The following HHLA1 variants were observed in gnomAD, a reference collection of about 807,000 sequenced individuals.
HHLA1 encodes HHLA1 neighbor of OC90.
Under a neutral mutation model 69.9 loss-of-function variants are expected in HHLA1, and 72 were observed. The ratio of observed to expected loss-of-function variants is 1.03; its 90% CI spans 0.85 to 1.25. The LOEUF (loss-of-function observed/expected upper bound fraction) is 1.25, where lower values mean the gene tolerates loss of function less well. Ranked by LOEUF, HHLA1 falls within the 50% of genes most tolerant of loss-of-function variation. The pLI, the probability that HHLA1 is intolerant of heterozygous loss-of-function variation, is 0.00. For synonymous variants in HHLA1, 252 were observed against 233.2 expected, an observed-to-expected ratio of 1.08 and a Z score of -0.73; for missense variants, 685 against 642.2, an observed-to-expected ratio of 1.07 and a Z score of -0.72.
At chr8:132,075,167 C>T (rs1823614079) in intron 14 of HHLA1, among the ~76,000 whole-genome samples, 1 of 152,120 alleles carries the variant, frequency 6.6e-6, no homozygotes, top group African/African-American at 2.4e-5. Flanking sequence ...ATTCACTATT[C>T]ACTGCAGGCT....
intron 3 of HHLA1, among the ~76,000 whole-genome samples, chr8:132,100,781 G>T (rs1824099588): frequency 6.6e-6 from 1 of 152,174 alleles, no homozygotes; most frequent in Admixed American, 6.5e-5. Context: ...TGTCAACACG[G>T]TGTGGGAGCA....
chr8:132,105,133 A>C (rs997912617), intron 2 of HHLA1, 54 bp downstream of exon 2: 1 of 1,334,218 alleles, frequency 7.5e-7, no homozygotes, highest in African/African-American at 1.5e-5. Flanking sequence ...AGCACAGTGA[A>C]TACTCCAACT....
chr8:132,101,269 A>C, intron 3 of HHLA1: 1 of 1,550,098 alleles, frequency 6.5e-7, no homozygotes, highest in African/African-American at 1.4e-5. Context: ...CTTTATTTCC[A>C]GACACTGAAA....
intron 15 of HHLA1, among the ~76,000 whole-genome samples, chr8:132,067,173 T>G (rs1823455474): frequency 6.6e-6 from 1 of 152,054 alleles, no homozygotes; most frequent in South Asian, 2.1e-4. Context: ...GGATTCCTTG[T>G]GGAAACTGGA....
intron 5 of HHLA1, 111 bp from the exon 6 acceptor site, chr8:132,095,897 T>A (rs1824018975): frequency 5.0e-6 from 3 of 599,644 alleles, no homozygotes; most frequent in Non-Finnish European, 8.4e-6. Flanking sequence ...AAACCAATGA[T>A]GAAAATAAAG....
In HHLA1 at chr8:132,077,731, G is replaced by T. The variant is rs1382674697; in HGVS notation, c.1166C>A (p.Thr389Asn). The change falls in exon 12 of 17, where the codon ACC becomes AAC. Residue 389 changes from threonine (T) to asparagine (N), a missense_variant. Coordinates refer to ENST00000414222, the MANE Select transcript of HHLA1 (RefSeq NM_001145095.3). Reference sequence around the variant, plus strand: ...AAGTGAGCACCCTCTCTTACCCAAGGTAGGGCTGGCCTGGGATGGGCTGCC... The same window carrying T: ...AAGTGAGCACCCTCTCTTACCCAAGTTAGGGCTGGCCTGGGATGGGCTGCC... ...TPGSPSQASPTLGAFTHGTQT... is the reference protein window; with the variant it reads ...TPGSPSQASPNLGAFTHGTQT... 1.9e-6 allele frequency: 3 copies of T among 1,551,434 alleles called. No individual in the cohort carries two copies. In the East Asian group the frequency reaches 7.3e-5, roughly 38 times the overall value.
At chr8:132,065,374 T>C (rs1454003862) in intron 16 of HHLA1, among the ~76,000 whole-genome samples, 1 of 152,162 alleles carries the variant, frequency 6.6e-6, no homozygotes, top group African/African-American at 2.4e-5. Flanking sequence ...CTCTGCCTCC[T>C]AGGTTCATGC....
chr8:132,105,073 C>G, intron 2 of HHLA1, 114 bp downstream of exon 2: 1 of 817,524 alleles, frequency 1.2e-6, no homozygotes, highest in East Asian at 2.7e-5. Flanking sequence ...CCATTTTGAA[C>G]AAATTCATTT....
intron 12 of HHLA1, 147 bp downstream of exon 12, chr8:132,077,579 G>C (rs914738179): frequency 1.3e-6 from 1 of 790,982 alleles, no homozygotes; most frequent in African/African-American, 1.7e-5. Context: ...CAAAGGAAAG[G>C]AGAAGGAAGA....
intron 12 of HHLA1, among the ~76,000 whole-genome samples, chr8:132,076,959 C>G (rs1823656672): frequency 6.6e-6 from 1 of 152,160 alleles, no homozygotes; most frequent in African/African-American, 2.4e-5. Context: ...CTGTCATATT[C>G]ATGACAGAGT....
intron 12 of HHLA1, among the ~76,000 whole-genome samples, chr8:132,077,421 C>T (rs1823663547): frequency 6.6e-6 from 1 of 152,002 alleles, no homozygotes; most frequent in South Asian, 2.1e-4. Flanking sequence ...CGGGTCCATC[C>T]ATCACAGTTG....
At chr8:132,069,052 G>T (rs1000884368) in intron 15 of HHLA1, among the ~76,000 whole-genome samples, 2 of 152,158 alleles carry the variant, frequency 1.3e-5, no homozygotes, top group African/African-American at 4.8e-5. Context: ...GTCAAAGAGG[G>T]CATATAATAA....
At chr8:132,085,863 T>C (rs1335146815) in intron 10 of HHLA1, among the ~76,000 whole-genome samples, 4 of 149,798 alleles carry the variant, frequency 2.7e-5, no homozygotes, top group African/African-American at 2.5e-5. Context: ...ACACTTCTTT[T>C]GTGGTGGAAT....
intron 10 of HHLA1, among the ~76,000 whole-genome samples, chr8:132,085,029 A>G (rs560765984): frequency 3.0e-4 from 45 of 152,108 alleles, no homozygotes; most frequent in African/African-American, 1.1e-3. Flanking sequence ...CCAGGAAAGC[A>G]GAGAAGGGGT....
At chr8:132,070,867 T>C (rs975917507) in intron 15 of HHLA1, among the ~76,000 whole-genome samples, 1 of 151,908 alleles carries the variant, frequency 6.6e-6, no homozygotes, top group Non-Finnish European at 1.5e-5. Context: ...TCAACACAAC[T>C]CAACTCATCT....
chr8:132,076,045 T>G lies in HHLA1; in HGVS notation c.1315+10A>C, dbSNP rs190911539. On this transcript the variant is annotated intron_variant, in intron 14 of 16. Coordinates refer to ENST00000414222, the MANE Select transcript of HHLA1 (RefSeq NM_001145095.3). ...ACAAGCAATAGTAATGACTGGGCAC[T>G]GGTACTTACTTGAAACTTGATGGGG... The G allele has an allele frequency of 6.3e-4, 977 of 1,542,738 alleles. No individual in the cohort carries two copies. The highest frequency in any genetic ancestry group is 8.3e-4 in the Non-Finnish European group (949 of 1,139,088).
chr8:132,097,276 C>G (rs1232244326), intron 5 of HHLA1, among the ~76,000 whole-genome samples: 1 of 152,122 alleles, frequency 6.6e-6, no homozygotes, highest in African/African-American at 2.4e-5. Flanking sequence ...CTTCAAAGAT[C>G]AGCTGGATCA....
In HHLA1 at chr8:132,085,159, G is replaced by T. The variant is rs185017343; in HGVS notation, c.676+2494C>A. 4.4e-3 allele frequency among the ~76,000 whole-genome samples: 668 copies of T among 152,324 alleles called. 3 individuals are homozygous for T. Among genetic ancestry groups the T allele is most frequent in the African/African-American group, 0.015 (644 of 41,572 alleles). On this transcript the variant is annotated intron_variant, in intron 10 of 16. Coordinates refer to ENST00000414222, the MANE Select transcript of HHLA1 (RefSeq NM_001145095.3). ...GTGGTCTGACACCCTTGAAACGTGA[G>T]TGTATAATCAGAGAGGCATCCCTGC... is the stretch of plus-strand genomic sequence containing the variant.
rs1823886175 is a variant in HHLA1 at position 132,087,692 on chromosome 8, T to C, written c.637A>G (p.Ile213Val). 1 of 1,551,548 alleles carries C rather than the reference T, an allele frequency of 6.4e-7. No homozygotes were observed. Among genetic ancestry groups the C allele is most frequent in the Non-Finnish European group, 8.7e-7 (1 of 1,146,886 alleles). Reference sequence around the variant, plus strand: ...AAGCCGCTGGTAAATGTGTAATTGATAATGGGATATTTTTCTTCTATCTCC... The same window carrying C: ...AAGCCGCTGGTAAATGTGTAATTGACAATGGGATATTTTTCTTCTATCTCC... ...FWEIEEKYPIINYTFTSGLSG... is the reference protein window; with the variant it reads ...FWEIEEKYPIVNYTFTSGLSG... Residue 213 changes from isoleucine (I) to valine (V), a missense_variant, in exon 10 of 17, where the codon ATC becomes GTC. Ile to Val is a conservative substitution (Grantham distance 29). Transcript: ENST00000414222.
Sources: allele counts gnomAD v4.1 joint callset (sites outside exome capture counted in the v4.1 genomes callset), GRCh38; gene constraint gnomAD v4.1.1; transcripts MANE v1.5; gene names NCBI Gene and HGNC (gene_info 2026-07-23, HGNC 2026-07-21).